Variants in SUPT3H observed in about 807,000 individuals in gnomAD.
The protein encoded by SUPT3H is transcription initiation protein SPT3 homolog.
In SUPT3H, 44 loss-of-function variants were observed where a neutral mutation model predicts 44.3. The ratio of observed to expected loss-of-function variants is 0.99; its 90% CI spans 0.78 to 1.28. The LOEUF (loss-of-function observed/expected upper bound fraction) is 1.28. Ranked by LOEUF, SUPT3H falls within the 50% of genes most tolerant of loss-of-function variation. The probability of loss-of-function intolerance (pLI) is 0.00; values close to 1 mark genes in which losing one functional copy is unlikely to be tolerated. For missense variants in SUPT3H, 380 were observed against 387.1 expected (o/e 0.98, Z 0.15); for synonymous variants, 124 against 125.6 (o/e 0.99, Z 0.09).
chr6:44,925,150 C>T (rs1407635464), intron 10 of SUPT3H, among the ~76,000 whole-genome samples: 4 of 152,158 alleles, frequency 2.6e-5, no homozygotes, highest in Admixed American at 2.0e-4. Flanking sequence ...ATGAAAACAT[C>T]TCTAGTACCC....
chr6:45,144,491 G>C (rs1032455596), intron 2 of SUPT3H, among the ~76,000 whole-genome samples: 1 of 151,998 alleles, frequency 6.6e-6, no homozygotes, highest in Non-Finnish European at 1.5e-5. Flanking sequence ...AACTGACATA[G>C]AGGTGACACA....
At chr6:45,027,629 C>T (rs1786236221) in intron 3 of SUPT3H, among the ~76,000 whole-genome samples, 1 of 152,158 alleles carries the variant, frequency 6.6e-6, no homozygotes, top group African/African-American at 2.4e-5. Flanking sequence ...AGGCACTTAA[C>T]TAGAACGGAT....
intron 11 of SUPT3H, among the ~76,000 whole-genome samples, chr6:44,815,417 G>T (rs1023005577): frequency 1.3e-5 from 2 of 152,168 alleles, no homozygotes; most frequent in African/African-American, 4.8e-5. Flanking sequence ...TGTAAAATGG[G>T]TTAAAAAGCA....
At chr6:45,367,750 G>C (rs1169563130) in intron 1 of SUPT3H, among the ~76,000 whole-genome samples, 6 of 152,154 alleles carry the variant, frequency 3.9e-5, no homozygotes, top group Admixed American at 2.0e-4. Flanking sequence ...AATGTCCTGA[G>C]ACACTGCTGG....
At chr6:44,950,238 T>C (rs1369147510) in intron 9 of SUPT3H, among the ~76,000 whole-genome samples, 1 of 152,180 alleles carries the variant, frequency 6.6e-6, no homozygotes, top group African/African-American at 2.4e-5. Flanking sequence ...CCCATTACTC[T>C]CCTTTAGACA....
chr6:44,884,848 T>C (rs893906860), intron 10 of SUPT3H, among the ~76,000 whole-genome samples: 4 of 151,956 alleles, frequency 2.6e-5, no homozygotes, highest in African/African-American at 7.3e-5. Context: ...GGTCAGGGAG[T>C]TCCCTTTCCT....
intron 10 of SUPT3H, among the ~76,000 whole-genome samples, chr6:44,892,343 G>A (rs140549761): frequency 6.6e-6 from 1 of 152,228 alleles, no homozygotes; most frequent in East Asian, 1.9e-4. Context: ...AAGTACCAAG[G>A]AAAGGCCATG....
chr6:45,088,727 A>C (rs1426597111), intron 3 of SUPT3H, among the ~76,000 whole-genome samples: 2 of 152,030 alleles, frequency 1.3e-5, no homozygotes, highest in Non-Finnish European at 1.5e-5. Context: ...CCAAATGAGA[A>C]TATACCAAGT....
At chr6:45,032,064 T>C (rs1787024231) in intron 3 of SUPT3H, among the ~76,000 whole-genome samples, 1 of 152,212 alleles carries the variant, frequency 6.6e-6, no homozygotes, top group South Asian at 2.1e-4. Flanking sequence ...CATTGGTCTC[T>C]ATCCATTTCT....
At chr6:45,254,598 G>C (rs1037578944) in intron 2 of SUPT3H, among the ~76,000 whole-genome samples, 2 of 152,128 alleles carry the variant, frequency 1.3e-5, no homozygotes, top group African/African-American at 4.8e-5. Context: ...GAAGAGAGCT[G>C]TAGTATCAGG....
At chr6:45,192,229 G>A (rs902224628) in intron 2 of SUPT3H, among the ~76,000 whole-genome samples, 1 of 152,100 alleles carries the variant, frequency 6.6e-6, no homozygotes, top group African/African-American at 2.4e-5. Context: ...GAGAAGTCAA[G>A]TTTCCCATGC....
chr6:45,351,319 T>C (rs1276182283), intron 2 of SUPT3H, among the ~76,000 whole-genome samples: 1 of 152,052 alleles, frequency 6.6e-6, no homozygotes, highest in Non-Finnish European at 1.5e-5. Context: ...CACAACTTCC[T>C]ATGCATTCTA....
At chr6:44,834,279 T>C (rs1769403246) in intron 10 of SUPT3H, among the ~76,000 whole-genome samples, 2 of 152,218 alleles carry the variant, frequency 1.3e-5, no homozygotes, top group Admixed American at 1.3e-4. Flanking sequence ...TATTTCCTAA[T>C]GGAAATTCTA....
chr6:45,009,709 G>A (rs1446358330), intron 5 of SUPT3H, among the ~76,000 whole-genome samples: 1 of 152,040 alleles, frequency 6.6e-6, no homozygotes, highest in Non-Finnish European at 1.5e-5. Context: ...CGTAATTACT[G>A]TAGCTTTATG....
Position 44,813,255 on chromosome 6 carries a change from A to T in SUPT3H, c.*53-3754T>A, listed in dbSNP as rs9472368. 3.5e-3 allele frequency among the ~76,000 whole-genome samples: 526 copies of T among 152,294 alleles called. 2 individuals are homozygous for T. The highest frequency in any genetic ancestry group is 0.012 in the African/African-American group (492 of 41,552). ...GGTTGGAGTGCGGTGGTGCAATCAT[A>T]ACTCACAGCAGCCTCAAATTCCTGA... is the stretch of plus-strand genomic sequence containing the variant. On this transcript the variant is annotated intron_variant and NMD_transcript_variant, in intron 11 of 11. Coordinates refer to the SUPT3H transcript ENST00000475057.
At chr6:45,221,083 TA>T (rs1443546905) in intron 2 of SUPT3H, among the ~76,000 whole-genome samples, 2 of 152,090 alleles carry the variant, frequency 1.3e-5, no homozygotes, top group East Asian at 3.9e-4. Context: ...GGGACATGGA[TA>T]AAGCTGGAAA....
chr6:44,842,848 C>A (rs1771203007), intron 10 of SUPT3H, among the ~76,000 whole-genome samples: 1 of 151,520 alleles, frequency 6.6e-6, no homozygotes, highest in African/African-American at 2.4e-5. Context: ...CAGAATGAAT[C>A]ATAATAAATG....
chr6:44,959,768 T>C (rs1775735704), intron 7 of SUPT3H, among the ~76,000 whole-genome samples: 1 of 152,180 alleles, frequency 6.6e-6, no homozygotes, highest in South Asian at 2.1e-4. Flanking sequence ...TTTTAAAATG[T>C]ACCAGTAATT....
At chr6:45,161,619 A>G (rs2153601397) in intron 2 of SUPT3H, among the ~76,000 whole-genome samples, 1 of 152,276 alleles carries the variant, frequency 6.6e-6, no homozygotes. Context: ...CCTTGAAGGC[A>G]TGAATAGTGT....
Sources: allele counts gnomAD v4.1 joint callset (sites outside exome capture counted in the v4.1 genomes callset), GRCh38; gene constraint gnomAD v4.1.1; transcripts MANE v1.5; gene names NCBI Gene and HGNC (gene_info 2026-07-23, HGNC 2026-07-21).